MDGA2: variants seen among roughly 807,000 people sequenced by gnomAD.
MDGA2 encodes MAM domain containing glycosylphosphatidylinositol anchor 2.
MDGA2 carries 40 observed loss-of-function variants against 117.8 expected under a neutral mutation model. The ratio of observed to expected loss-of-function variants is 0.34; its 90% CI spans 0.26 to 0.44. The LOEUF is 0.44. Ranked by LOEUF, MDGA2 falls within the 20% of genes least tolerant of loss-of-function variation. The pLI is 1.00. For synonymous variants in MDGA2, 452 were observed against 439.0 expected, an observed-to-expected ratio of 1.03 and a Z score of -0.37; for missense variants, 1,123 against 1,250.6, an observed-to-expected ratio of 0.90 and a Z score of 1.54.
chr14:47,084,001 C>A (rs1890802231), intron 6 of MDGA2, among the ~76,000 whole-genome samples: 1 of 151,992 alleles, frequency 6.6e-6, no homozygotes, highest in Non-Finnish European at 1.5e-5. Context: ...GATATTCCCC[C>A]CTTTAAATAG....
At chr14:46,935,698 C>T (rs1019003314) in intron 9 of MDGA2, among the ~76,000 whole-genome samples, 1 of 152,094 alleles carries the variant, frequency 6.6e-6, no homozygotes, top group African/African-American at 2.4e-5. Flanking sequence ...TAAATGCCCA[C>T]AAAGCTAGCT....
chr14:47,387,319 C>A (rs943761978), intron 1 of MDGA2, among the ~76,000 whole-genome samples: 1 of 152,000 alleles, frequency 6.6e-6, no homozygotes, highest in Admixed American at 6.6e-5. Context: ...ATTCTCCACC[C>A]ACCCCCAAAC....
At chr14:47,485,515 G>A (rs928768698) in intron 1 of MDGA2, among the ~76,000 whole-genome samples, 2 of 152,186 alleles carry the variant, frequency 1.3e-5, no homozygotes, top group Admixed American at 1.3e-4. Context: ...ATTCGAACCA[G>A]CTGCAGAAAT....
At chr14:47,030,812 T>C (rs1888637420) in intron 8 of MDGA2, among the ~76,000 whole-genome samples, 1 of 152,198 alleles carries the variant, frequency 6.6e-6, no homozygotes, top group Admixed American at 6.5e-5. Flanking sequence ...AAAATACTTT[T>C]GTTTCAAAAC....
chr14:47,027,402 G>C (rs772520645), intron 8 of MDGA2, among the ~76,000 whole-genome samples: 1 of 151,810 alleles, frequency 6.6e-6, no homozygotes, highest in Non-Finnish European at 1.5e-5. Context: ...AAACTAGCTG[G>C]TCACTCTCCC....
intron 6 of MDGA2, among the ~76,000 whole-genome samples, chr14:47,065,263 C>T (rs1174042826): frequency 6.6e-6 from 1 of 152,104 alleles, no homozygotes; most frequent in Non-Finnish European, 1.5e-5. Context: ...TAACAGTATA[C>T]TTGCAAGGAC....
chr14:47,455,287 C>A (rs562705029), intron 1 of MDGA2, among the ~76,000 whole-genome samples: 1 of 152,210 alleles, frequency 6.6e-6, no homozygotes, highest in South Asian at 2.1e-4. Context: ...GGGCGGATCG[C>A]CTGAGGTCAG....
At chr14:47,638,167 G>A (rs1450116080) in intron 1 of MDGA2, among the ~76,000 whole-genome samples, 2 of 152,150 alleles carry the variant, frequency 1.3e-5, no homozygotes, top group Non-Finnish European at 2.9e-5. Flanking sequence ...CAGAATACAC[G>A]TGTGCATTAT....
At chr14:47,535,366 A>G (rs1204027835) in intron 1 of MDGA2, among the ~76,000 whole-genome samples, 1 of 152,228 alleles carries the variant, frequency 6.6e-6, no homozygotes, top group African/African-American at 2.4e-5. Flanking sequence ...TTAACACCTA[A>G]CTTTGGGAAA....
intron 8 of MDGA2, among the ~76,000 whole-genome samples, chr14:47,000,966 T>C (rs924205060): frequency 2.0e-5 from 3 of 151,994 alleles, no homozygotes; most frequent in African/African-American, 7.2e-5. Context: ...TATCAAAGTA[T>C]TTTAGGTGAG....
chr14:47,529,891 G>T (rs1453872704), intron 1 of MDGA2, among the ~76,000 whole-genome samples: 2 of 152,186 alleles, frequency 1.3e-5, no homozygotes, highest in African/African-American at 4.8e-5. Context: ...ATTCCTGTTT[G>T]CCATAGTGGT....
chr14:47,530,445 T>C (rs1895072594), intron 1 of MDGA2, among the ~76,000 whole-genome samples: 1 of 152,214 alleles, frequency 6.6e-6, no homozygotes, highest in African/African-American at 2.4e-5. Flanking sequence ...AAATTACTGA[T>C]ATACACACTA....
intron 8 of MDGA2, among the ~76,000 whole-genome samples, chr14:46,967,953 A>AGT (rs1206498706): frequency 6.6e-6 from 1 of 152,088 alleles, no homozygotes; most frequent in Non-Finnish European, 1.5e-5. Flanking sequence ...GCCGGGAAAG[A>AGT]GTGAGTGACT....
intron 11 of MDGA2, among the ~76,000 whole-genome samples, chr14:46,881,323 A>C: frequency 6.6e-6 from 1 of 152,168 alleles, no homozygotes; most frequent in Non-Finnish European, 1.5e-5. Context: ...AACTATAGAC[A>C]GAGTAAACAT....
At chr14:47,391,779 T>G (rs1891900494) in intron 1 of MDGA2, among the ~76,000 whole-genome samples, 1 of 152,194 alleles carries the variant, frequency 6.6e-6, no homozygotes, top group African/African-American at 2.4e-5. Flanking sequence ...CAGCTACATT[T>G]GATTAGTGTC....
At chr14:47,334,677 T>C (rs1452395382) in intron 1 of MDGA2, among the ~76,000 whole-genome samples, 1 of 151,990 alleles carries the variant, frequency 6.6e-6, no homozygotes, top group Non-Finnish European at 1.5e-5. Flanking sequence ...TTCTTGACAA[T>C]TCTGTAAGCA....
intron 1 of MDGA2, among the ~76,000 whole-genome samples, chr14:47,633,315 T>C (rs1897270755): frequency 6.6e-6 from 1 of 152,152 alleles, no homozygotes; most frequent in Non-Finnish European, 1.5e-5. Context: ...AGAACACCAG[T>C]TAAACCTTAG....
chr14:47,246,361 A>G (rs1887237327), intron 2 of MDGA2, among the ~76,000 whole-genome samples: 1 of 151,804 alleles, frequency 6.6e-6, no homozygotes, highest in Non-Finnish European at 1.5e-5. Context: ...AATATTGGTA[A>G]AAAATAAGAG....
intron 1 of MDGA2, among the ~76,000 whole-genome samples, chr14:47,639,928 T>A (rs932796517): frequency 2.2e-4 from 34 of 152,176 alleles, no homozygotes; most frequent in African/African-American, 8.2e-4. Context: ...CTTAACCTGC[T>A]CATTACTGCA....
Sources: allele counts gnomAD v4.1 joint callset (sites outside exome capture counted in the v4.1 genomes callset), GRCh38; gene constraint gnomAD v4.1.1; transcripts MANE v1.5; gene names NCBI Gene and HGNC (gene_info 2026-07-23, HGNC 2026-07-21).